Variants in TBC1D4 observed in about 807,000 individuals in gnomAD.
The protein encoded by TBC1D4 is TBC1 domain family member 4, also known as TBC (Tre-2, BUB2, CDC16) domain-containing protein.
Under a neutral mutation model 142.5 loss-of-function variants are expected in TBC1D4, and 121 were observed. That is an observed-to-expected ratio of 0.85 (90% CI 0.73 to 0.99). TBC1D4 has a LOEUF of 0.99. TBC1D4 is among the 50% of genes least tolerant of loss of function. TBC1D4 has a pLI of 0.00. For missense variants in TBC1D4, 1,475 were observed against 1,606.6 expected (o/e 0.92, Z 1.40); for synonymous variants, 630 against 628.2 (o/e 1.00, Z -0.04).
intron 5 of TBC1D4, among the ~76,000 whole-genome samples, chr13:75,342,872 G>C (rs1015106159): frequency 7.3e-5 from 11 of 151,706 alleles, no homozygotes; most frequent in African/African-American, 2.4e-4. Context: ...TTATAGGTAG[G>C]CTGGCATTTT....
rs74950115 is a variant in TBC1D4, at chr13:75,342,683, C to T, written c.1409-1096G>A. Reference sequence around the variant, plus strand: ...AAAAAGAAAGTTTAATTCATATTTGCAGTAATTCAACAGACCATTCATTTT... The same window carrying T: ...AAAAAGAAAGTTTAATTCATATTTGTAGTAATTCAACAGACCATTCATTTT... On this transcript the variant is annotated intron_variant, in intron 5 of 20. Coordinates refer to ENST00000377636, the MANE Select transcript of TBC1D4 (RefSeq NM_014832.5). Among the ~76,000 whole-genome samples, 422 of 151,988 alleles carry T rather than the reference C, an allele frequency of 2.8e-3. 4 individuals carry two copies. Among genetic ancestry groups the T allele is most frequent in the South Asian group, 8.7e-3 (42 of 4,808 alleles).
chr13:75,400,088 G>T lies in TBC1D4; in HGVS notation c.499-37481C>A, dbSNP rs149470929. Among the ~76,000 whole-genome samples the T allele has an allele frequency of 1.8e-3, 279 of 152,244 alleles. 3 individuals are homozygous for T. The highest frequency in any genetic ancestry group is 6.4e-3 in the African/African-American group (265 of 41,538). The stretch of plus-strand genomic sequence containing the variant: ...ACAGATGAGCCATCCATCAAGCCCT[G>T]CCCAAATTGCAAAATAGTGGGCAAA... On this transcript the variant is annotated intron_variant, in intron 1 of 20. Transcript: ENST00000377636.
chr13:75,287,031 T>A lies in TBC1D4; in HGVS notation c.3664-6A>T. On this transcript the variant is annotated splice_region_variant and splice_polypyrimidine_tract_variant and intron_variant, in intron 20 of 20. Transcript: ENST00000377636. ...TGGATTTTAGTATGAGCTACCTGTT[T>A]GGGGGGGAAAAAATCCTCCAAATCA... The A allele has an allele frequency of 1.2e-6, 2 of 1,600,530 alleles. No individual in the cohort carries two copies. Among genetic ancestry groups the A allele is most frequent in the Non-Finnish European group, 1.7e-6 (2 of 1,178,642 alleles).
chr13:75,474,694 T>C (rs974906026), intron 1 of TBC1D4, among the ~76,000 whole-genome samples: 1 of 55,644 alleles, frequency 1.8e-5, no homozygotes, highest in Admixed American at 3.0e-4. Context: ...TAAAGTGCAG[T>C]GGTACGATCC....
intron 1 of TBC1D4, among the ~76,000 whole-genome samples, chr13:75,449,587 G>GTTT (rs756670676): frequency 2.2e-5 from 3 of 137,980 alleles, no homozygotes; most frequent in Non-Finnish European, 3.2e-5. Context: ...AACATACATA[G>GTTT]TTTTTTTTTT....
At chr13:75,384,851 T>G (rs1201633538) in intron 1 of TBC1D4, among the ~76,000 whole-genome samples, 1 of 149,198 alleles carries the variant, frequency 6.7e-6, no homozygotes, top group East Asian at 2.0e-4. Context: ...TTCTGAAACC[T>G]CTATGCCTTT....
At chr13:75,380,941 C>G (rs1255872190) in intron 1 of TBC1D4, among the ~76,000 whole-genome samples, 1 of 152,150 alleles carries the variant, frequency 6.6e-6, no homozygotes, top group East Asian at 1.9e-4. Context: ...CAAAATTTTA[C>G]AGTAAGACAG....
At chr13:75,448,392 AC>A (rs1413980822) in intron 1 of TBC1D4, among the ~76,000 whole-genome samples, 1 of 151,958 alleles carries the variant, frequency 6.6e-6, no homozygotes, top group African/African-American at 2.4e-5. Context: ...ACATGGAGAA[AC>A]CCTGTCTCTA....
chr13:75,407,221 T>C (rs145379654), intron 1 of TBC1D4, among the ~76,000 whole-genome samples: 364 of 152,330 alleles, frequency 2.4e-3, no homozygotes, highest in Non-Finnish European at 3.9e-3. Flanking sequence ...ATTCCAAGAA[T>C]ATTTATCTGA....
chr13:75,371,095 G>A (rs868167001), intron 1 of TBC1D4, among the ~76,000 whole-genome samples: 2 of 152,186 alleles, frequency 1.3e-5, no homozygotes, highest in African/African-American at 2.4e-5. Context: ...TAATCAACAC[G>A]AGATCACAGG....
At position 75,284,731 on chromosome 13, in the gene TBC1D4, A is replaced by G. The variant is rs1335148701; in HGVS notation, c.*2061T>C. On this transcript the variant is annotated 3_prime_UTR_variant, in exon 21 of 21. Transcript: ENST00000377636. ...TAGACATTACATTAACCTGATGAAG[A>G]TGTAACGATGCATGAAGCATAACTG... 1 of 152,260 alleles carries G rather than the reference A, an allele frequency of 6.6e-6. No homozygotes were observed. Among genetic ancestry groups the G allele is most frequent in the Non-Finnish European group, 1.5e-5 (1 of 68,046 alleles). The allele number at this position is 152,260 out of a possible 1,614,324, so 9.4% of individuals were successfully genotyped here.
intron 1 of TBC1D4, among the ~76,000 whole-genome samples, chr13:75,378,579 A>G (rs137858936): frequency 1.2e-3 from 184 of 152,260 alleles, no homozygotes; most frequent in African/African-American, 4.1e-3. Flanking sequence ...AGTTAGCATA[A>G]TGAAGGGAAA....
At chr13:75,479,442 C>A (rs1388037894) in intron 1 of TBC1D4, among the ~76,000 whole-genome samples, 1 of 151,900 alleles carries the variant, frequency 6.6e-6, no homozygotes, top group African/African-American at 2.4e-5. Context: ...CAGCCTCTAA[C>A]GCTTAAATAT....
At chr13:75,308,382 C>G (rs923931708) in intron 14 of TBC1D4, among the ~76,000 whole-genome samples, 1 of 152,110 alleles carries the variant, frequency 6.6e-6, no homozygotes, top group Non-Finnish European at 1.5e-5. Context: ...GGGGAAAGCC[C>G]GAGAACCACG....
chr13:75,393,606 A>G (rs926009581), intron 1 of TBC1D4, among the ~76,000 whole-genome samples: 17 of 152,158 alleles, frequency 1.1e-4, no homozygotes, highest in Non-Finnish European at 2.9e-5. Context: ...TGTAGGTTCC[A>G]CATTCTTGGG....
At chr13:75,288,837 G>T in intron 20 of TBC1D4, 97 bp downstream of exon 20, 1 of 1,289,354 alleles carries the variant, frequency 7.8e-7, no homozygotes, top group South Asian at 1.2e-5. Flanking sequence ...GGTTAGCAAT[G>T]GTTCATTCCA....
In TBC1D4 at chr13:75,349,391, C is replaced by T. The variant is rs1415264581; in HGVS notation, c.1276-89G>A. 8 of 1,507,106 alleles carry T rather than the reference C, an allele frequency of 5.3e-6. No individual in the cohort carries two copies. The Admixed American group carries it at 1.3e-4, about 24-fold the overall frequency. 93.4% of individuals were successfully genotyped at this position (1,507,106 alleles called of 1,614,324 possible). ...ACAGCAATGTGAGCCTTTGTTGATGCTGACTAAATAAAAATAATAGAATTT... is the reference window on the plus strand; with the variant it reads ...ACAGCAATGTGAGCCTTTGTTGATGTTGACTAAATAAAAATAATAGAATTT... On this transcript the variant is annotated intron_variant, in intron 4 of 20. Coordinates refer to ENST00000377636, the MANE Select transcript of TBC1D4 (RefSeq NM_014832.5).
chr13:75,321,732 G>A (rs1198448588), intron 11 of TBC1D4, among the ~76,000 whole-genome samples: 1 of 152,038 alleles, frequency 6.6e-6, no homozygotes, highest in Non-Finnish European at 1.5e-5. Flanking sequence ...TACAATTAAA[G>A]ACATGTATAA....
chr13:75,330,475 G>A lies in TBC1D4; in HGVS notation c.1732-2649C>T, dbSNP rs962589384. Among the ~76,000 whole-genome samples, 8 of 152,314 alleles carry A rather than the reference G, an allele frequency of 5.3e-5. No homozygotes were observed. In the South Asian group the frequency reaches 1.0e-3, roughly 20 times the overall value. ...TATACTACGTTAAGGATTTTACACT[G>A]CATTAGCTCACTTAATCCTCATACC... On this transcript the variant is annotated intron_variant, in intron 8 of 20. Coordinates refer to ENST00000377636, the MANE Select transcript of TBC1D4 (RefSeq NM_014832.5).
Sources: allele counts gnomAD v4.1 joint callset (sites outside exome capture counted in the v4.1 genomes callset), GRCh38; gene constraint gnomAD v4.1.1; transcripts MANE v1.5; gene names NCBI Gene and HGNC (gene_info 2026-07-23, HGNC 2026-07-21).